The following ANKS1A variants were observed in gnomAD, a reference collection of about 807,000 sequenced individuals.
ANKS1A encodes ankyrin repeat and SAM domain-containing protein 1A.
ANKS1A carries 55 observed loss-of-function variants against 120.3 expected under a neutral mutation model. The observed-to-expected ratio is 0.46, with a 90% CI of 0.37 to 0.57. The LOEUF (loss-of-function observed/expected upper bound fraction) is 0.57, where lower values mean the gene tolerates loss of function less well. ANKS1A is among the 20% of genes least tolerant of loss of function. The pLI, the probability that ANKS1A is intolerant of heterozygous loss-of-function variation, is 0.00. For synonymous variants in ANKS1A, 590 were observed against 604.7 expected (o/e 0.98, Z 0.36); for missense variants, 1,123 against 1,480.3 (o/e 0.76, Z 3.96).
intron 1 of ANKS1A, among the ~76,000 whole-genome samples, chr6:34,895,198 T>TG (rs200628875): frequency 2.0e-5 from 3 of 147,642 alleles, no homozygotes; most frequent in Non-Finnish European, 3.0e-5. Context: ...GACTTTGGTT[T>TG]TTTTTTTTTT....
At chr6:34,991,539 T>TACACACACACAC (rs1309916304) in intron 9 of ANKS1A, among the ~76,000 whole-genome samples, 3 of 85,082 alleles carry the variant, frequency 3.5e-5, no homozygotes, top group Non-Finnish European at 6.9e-5. Flanking sequence ...AAAAAAAATA[T>TACACACACACAC]ATACACACAC....
intron 11 of ANKS1A, among the ~76,000 whole-genome samples, chr6:35,022,697 A>G (rs1024863339): frequency 6.6e-6 from 1 of 152,236 alleles, no homozygotes; most frequent in African/African-American, 2.4e-5. Context: ...GTACGTAAAT[A>G]AAATTTTAAA....
intron 10 of ANKS1A, among the ~76,000 whole-genome samples, chr6:35,014,354 A>G: frequency 6.6e-6 from 1 of 152,186 alleles, no homozygotes; most frequent in Non-Finnish European, 1.5e-5. Context: ...ATATTCCACA[A>G]AATATTGGTG....
At chr6:34,910,042 C>T (rs1242372025) in intron 1 of ANKS1A, among the ~76,000 whole-genome samples, 1 of 152,102 alleles carries the variant, frequency 6.6e-6, no homozygotes, top group Non-Finnish European at 1.5e-5. Flanking sequence ...TTTACATTGA[C>T]AGTAGTTATG....
chr6:34,908,992 A>T (rs773411859), intron 1 of ANKS1A, among the ~76,000 whole-genome samples: 1 of 152,222 alleles, frequency 6.6e-6, no homozygotes, highest in Non-Finnish European at 1.5e-5. Flanking sequence ...TGTACAGACC[A>T]ATGTATTCTT....
intron 1 of ANKS1A, among the ~76,000 whole-genome samples, chr6:34,928,717 C>A (rs1240955401): frequency 1.3e-5 from 2 of 152,148 alleles, no homozygotes; most frequent in Non-Finnish European, 2.9e-5. Context: ...TGGTTATTGG[C>A]GTGGCTGGGA....
chr6:34,922,696 T>TTC (rs1768499842), intron 1 of ANKS1A, among the ~76,000 whole-genome samples: 3 of 144,110 alleles, frequency 2.1e-5, no homozygotes, highest in Admixed American at 6.9e-5. Flanking sequence ...GGGCATTTCT[T>TTC]TTTTTTTTTT....
chr6:34,984,152 A>G (rs1772061970), intron 7 of ANKS1A, among the ~76,000 whole-genome samples: 1 of 152,140 alleles, frequency 6.6e-6, no homozygotes, highest in East Asian at 1.9e-4. Flanking sequence ...TTGATAATAT[A>G]TCATATGAGC....
At chr6:35,091,987 G>A (rs564525865), downstream of ANKS1A, among the ~76,000 whole-genome samples, 10 of 152,310 alleles carry the variant, frequency 6.6e-5, no homozygotes, top group East Asian at 3.9e-4. Context: ...ACAAGCAAGC[G>A]GTCATAGCGG....
In ANKS1A at chr6:35,084,428, T is replaced by G. The variant is rs555166866; in HGVS notation, c.3132+170T>G. On this transcript the variant is annotated intron_variant, in intron 21 of 23. Coordinates refer to ENST00000360359, the MANE Select transcript of ANKS1A (RefSeq NM_015245.3). This position sits in a 1 kb window ranked among gnomAD's most constrained non-coding sequence, Gnocchi z 4.8. The stretch of plus-strand genomic sequence containing the variant: ...CACTCAGGCCGGTCCCCTTTCACAG[T>G]GATGAGACTGACGCGCAGAGGGAAC... Among the ~76,000 whole-genome samples the G allele has an allele frequency of 1.8e-4, 27 of 151,036 alleles. No individual in the cohort carries two copies. The East Asian group carries it at 4.9e-3, about 27-fold the overall frequency.
At chr6:35,031,496 G>T (rs1774908551) in intron 11 of ANKS1A, among the ~76,000 whole-genome samples, 1 of 152,152 alleles carries the variant, frequency 6.6e-6, no homozygotes, top group Admixed American at 6.5e-5. Context: ...CTTGTAAAGG[G>T]TCACTCAAGT....
chr6:34,985,330 C>T (rs757645292), intron 8 of ANKS1A, 52 bp downstream of exon 8: 5 of 1,570,070 alleles, frequency 3.2e-6, no homozygotes, highest in South Asian at 2.3e-5. Flanking sequence ...CTGGCTGGCC[C>T]CTGAGGTGAT....
intron 11 of ANKS1A, among the ~76,000 whole-genome samples, chr6:35,030,641 G>T (rs75585017): frequency 2.0e-5 from 3 of 152,094 alleles, no homozygotes; most frequent in Non-Finnish European, 4.4e-5. Context: ...ACCATCCACC[G>T]TTACGTCTAT....
intron 13 of ANKS1A, chr6:35,070,974 C>G: frequency 1.7e-6 from 1 of 583,442 alleles, no homozygotes; most frequent in East Asian, 4.3e-5. Context: ...CAGGGTTTCC[C>G]CTCTCTGTCT....
intron 1 of ANKS1A, among the ~76,000 whole-genome samples, chr6:34,943,682 A>G (rs1769641941): frequency 6.6e-6 from 1 of 152,224 alleles, no homozygotes; most frequent in East Asian, 1.9e-4. Context: ...ATCATACAGT[A>G]TGGAGCCTTT....
chr6:35,095,520 G>A (rs1479797377), downstream of ANKS1A, among the ~76,000 whole-genome samples: 2 of 135,376 alleles, frequency 1.5e-5, no homozygotes, highest in East Asian at 4.4e-4. Flanking sequence ...TTGCGCCACT[G>A]CACTCCAGCC....
At position 35,088,627 on chromosome 6, in the gene ANKS1A, CTG is replaced by C. The variant is rs1172706991; in HGVS notation, c.*21_*22del. 3 of 1,614,256 alleles carry C rather than the reference CTG, an allele frequency of 1.9e-6. No individual in the cohort carries two copies. The highest frequency in any genetic ancestry group is 2.5e-6 in the Non-Finnish European group (3 of 1,180,048). On this transcript the variant is annotated 3_prime_UTR_variant, in exon 24 of 24. Transcript: ENST00000360359. ...CAAGCTGAGCCACTGAGGAACCACA[CTG>C]TGCTGCGGAAACATAGACGTGGGGG... is the stretch of plus-strand genomic sequence containing the variant.
At chr6:34,981,618 C>T (rs1226699106) in intron 3 of ANKS1A, 72 bp from the exon 4 acceptor site, 19 of 1,511,964 alleles carry the variant, frequency 1.3e-5, no homozygotes, top group East Asian at 2.3e-5. Flanking sequence ...AGTGGTTTTA[C>T]GAGTGGTTGT....
intron 11 of ANKS1A, among the ~76,000 whole-genome samples, chr6:35,029,949 C>T (rs1056839139): frequency 1.3e-5 from 2 of 151,814 alleles, no homozygotes; most frequent in Non-Finnish European, 2.9e-5. Context: ...ATTCATTTTG[C>T]TATGAGGAGT....
Sources: allele counts gnomAD v4.1 joint callset (sites outside exome capture counted in the v4.1 genomes callset), GRCh38; gene constraint gnomAD v4.1.1; non-coding constraint Gnocchi (gnomAD v3.1); transcripts MANE v1.5; gene names NCBI Gene and HGNC (gene_info 2026-07-23, HGNC 2026-07-21).